Variants in MYO5B observed in about 807,000 individuals in gnomAD.
The protein encoded by MYO5B is unconventional myosin-Vb.
MYO5B carries 143 observed loss-of-function variants against 229.3 expected under a neutral mutation model. The observed-to-expected ratio is 0.62, with a 90% confidence interval of 0.54 to 0.72. MYO5B has a LOEUF of 0.72. MYO5B is among the 30% of genes least tolerant of loss of function. MYO5B has a pLI of 0.00. For missense variants in MYO5B, 2,321 were observed against 2,331.0 expected (o/e 1.00, Z 0.09); for synonymous variants, 918 against 885.2 (o/e 1.04, Z -0.66).
At chr18:49,917,580 C>A (rs553231125) in intron 17 of MYO5B, among the ~76,000 whole-genome samples, 3 of 152,074 alleles carry the variant, frequency 2.0e-5, no homozygotes, top group African/African-American at 4.8e-5. Context: ...CATCGAGACG[C>A]CTTTCCCCAC....
chr18:50,167,550 A>C (rs758002223), intron 1 of MYO5B, among the ~76,000 whole-genome samples: 3 of 152,212 alleles, frequency 2.0e-5, no homozygotes, highest in Non-Finnish European at 2.9e-5. Flanking sequence ...TAAGTTATAA[A>C]AGACAAATTG....
At chr18:50,038,810 C>A (rs937251677) in intron 3 of MYO5B, among the ~76,000 whole-genome samples, 1 of 152,100 alleles carries the variant, frequency 6.6e-6, no homozygotes, top group Non-Finnish European at 1.5e-5. Flanking sequence ...ATCTTTTTCT[C>A]CTAAAATAGG....
intron 6 of MYO5B, among the ~76,000 whole-genome samples, chr18:49,991,757 G>A (rs908566375): frequency 1.3e-5 from 2 of 152,056 alleles, no homozygotes; most frequent in Non-Finnish European, 2.9e-5. Context: ...AAACCACCAT[G>A]GCATGTGTAT....
At chr18:49,881,841 A>C (rs1037323062) in intron 22 of MYO5B, among the ~76,000 whole-genome samples, 13 of 151,314 alleles carry the variant, frequency 8.6e-5, no homozygotes, top group Non-Finnish European at 1.6e-4. Context: ...TTCTTAAAAA[A>C]TGTTTTTGCT....
chr18:49,954,034 G>A (rs904662155), intron 13 of MYO5B, among the ~76,000 whole-genome samples: 2 of 110,936 alleles, frequency 1.8e-5, no homozygotes, highest in Non-Finnish European at 3.6e-5. Flanking sequence ...ATGTGTGTGT[G>A]TGTGTGTGTG....
intron 35 of MYO5B, among the ~76,000 whole-genome samples, chr18:49,841,142 C>A (rs756932716): frequency 1.3e-5 from 2 of 152,140 alleles, no homozygotes; most frequent in Non-Finnish European, 2.9e-5. Flanking sequence ...CCCAGGAGTG[C>A]TTTTTGGGGC....
chr18:49,928,742 T>C (rs2144193189), intron 17 of MYO5B, among the ~76,000 whole-genome samples: 2 of 151,796 alleles, frequency 1.3e-5, no homozygotes, highest in East Asian at 3.9e-4. Context: ...AGTCAATGAG[T>C]GGATAAAGAA....
At chr18:49,907,462 C>G (rs1384683139) in intron 18 of MYO5B, among the ~76,000 whole-genome samples, 2 of 152,160 alleles carry the variant, frequency 1.3e-5, no homozygotes, top group African/African-American at 2.4e-5. Context: ...GGAAAGACAA[C>G]CCAGCAGGGT....
intron 7 of MYO5B, among the ~76,000 whole-genome samples, chr18:49,986,169 T>A (rs909398955): frequency 6.6e-6 from 1 of 152,070 alleles, no homozygotes; most frequent in Non-Finnish European, 1.5e-5. Context: ...TCCTTCCCCA[T>A]CTCTATGTTC....
intron 4 of MYO5B, among the ~76,000 whole-genome samples, chr18:50,009,249 G>A (rs1332677539): frequency 6.6e-6 from 1 of 152,010 alleles, no homozygotes; most frequent in Non-Finnish European, 1.5e-5. Context: ...GTGGTGGTGG[G>A]TGCTTGTAAT....
intron 1 of MYO5B, among the ~76,000 whole-genome samples, chr18:50,080,367 C>A (rs1203960259): frequency 6.6e-6 from 1 of 152,270 alleles, no homozygotes; most frequent in Non-Finnish European, 1.5e-5. Flanking sequence ...CCAATCAAAG[C>A]AACTACCTCC....
At chr18:49,989,732 C>T (rs975613406) in intron 7 of MYO5B, among the ~76,000 whole-genome samples, 2 of 152,150 alleles carry the variant, frequency 1.3e-5, no homozygotes, top group African/African-American at 2.4e-5. Flanking sequence ...TTGCTAACAC[C>T]CCTCAGGAAG....
chr18:50,129,925 G>T lies in MYO5B; in HGVS notation c.27+64842C>A, dbSNP rs534075512. ...GAAGTGCTTCTTTAGACAGAAAAAT[G>T]AAAACTAAACCAACTTTTTTTCCCA... On this transcript the variant is annotated intron_variant, in intron 1 of 39. Transcript: ENST00000285039. 2.6e-5 allele frequency among the ~76,000 whole-genome samples: 4 copies of T among 152,278 alleles called. No individual in the cohort carries two copies. In the East Asian group the frequency reaches 7.7e-4, roughly 29 times the overall value.
intron 1 of MYO5B, among the ~76,000 whole-genome samples, chr18:50,148,553 T>C (rs1453717620): frequency 2.6e-5 from 4 of 152,148 alleles, no homozygotes; most frequent in Admixed American, 1.3e-4. Context: ...TAAATGTAAT[T>C]CAGCATATAA....
chr18:50,005,538 G>A (rs2026092164), intron 4 of MYO5B, among the ~76,000 whole-genome samples: 1 of 152,182 alleles, frequency 6.6e-6, no homozygotes, highest in Non-Finnish European at 1.5e-5. Context: ...AGCTTCCCAA[G>A]TAGCTAGTAT....
At chr18:50,098,612 A>G (rs1400113698) in intron 1 of MYO5B, 1 of 152,266 alleles carries the variant, frequency 6.6e-6, no homozygotes, top group Non-Finnish European at 1.5e-5. Context: ...ATTAACTGGG[A>G]AAGGCTTGCA....
chr18:49,962,883 C>A, intron 11 of MYO5B, 66 bp downstream of exon 11: 1 of 1,341,098 alleles, frequency 7.5e-7, no homozygotes, highest in Non-Finnish European at 1.1e-6. Flanking sequence ...AGAGAAGTGG[C>A]CTGTCTGTCC....
At chr18:50,113,531 C>T (rs1157907208) in intron 1 of MYO5B, among the ~76,000 whole-genome samples, 1 of 152,228 alleles carries the variant, frequency 6.6e-6, no homozygotes. Context: ...TAGGAAGCTG[C>T]TATCTCCTTT....
At chr18:50,004,450 T>C (rs1020858586) in intron 4 of MYO5B, among the ~76,000 whole-genome samples, 3 of 152,226 alleles carry the variant, frequency 2.0e-5, no homozygotes, top group Non-Finnish European at 4.4e-5. Flanking sequence ...TCACGGATGT[T>C]AGATCTGATG....
Sources: allele counts gnomAD v4.1 joint callset (sites outside exome capture counted in the v4.1 genomes callset), GRCh38; gene constraint gnomAD v4.1.1; transcripts MANE v1.5; gene names NCBI Gene and HGNC (gene_info 2026-07-23, HGNC 2026-07-21).